The following PLCG2 variants were observed in gnomAD, a reference collection of about 807,000 sequenced individuals.
PLCG2 encodes the protein phospholipase C gamma 2, also known as 1-phosphatidylinositol 4,5-bisphosphate phosphodiesterase gamma-2.
A neutral mutation model predicts 175.6 loss-of-function variants in PLCG2; 69 were observed. The observed-to-expected ratio is 0.39, with a 90% confidence interval of 0.32 to 0.48. PLCG2 has a LOEUF of 0.48. Among genes scored for constraint, PLCG2 ranks in the 20% least tolerant of loss-of-function variants. PLCG2 has a pLI of 0.91. For synonymous variants in PLCG2, 827 were observed against 624.0 expected, an observed-to-expected ratio of 1.33 and a Z score of -4.85; for missense variants, 1,798 against 1,650.9, an observed-to-expected ratio of 1.09 and a Z score of -1.54.
intron 7 of PLCG2, among the ~76,000 whole-genome samples, chr16:81,875,311 C>G (rs955939210): frequency 6.6e-6 from 1 of 152,022 alleles, no homozygotes; most frequent in African/African-American, 2.4e-5. Flanking sequence ...GAGGCCTGTG[C>G]AAGAGCTACT....
intron 13 of PLCG2, among the ~76,000 whole-genome samples, chr16:81,896,248 G>T (rs1908880998): frequency 2.0e-5 from 3 of 152,166 alleles, no homozygotes; most frequent in African/African-American, 4.8e-5. Flanking sequence ...AGAGGGAAAG[G>T]CTGGGCGCAG....
At chr16:81,810,890 A>G (rs1185116141) in intron 2 of PLCG2, among the ~76,000 whole-genome samples, 2 of 152,206 alleles carry the variant, frequency 1.3e-5, no homozygotes, top group African/African-American at 2.4e-5. Context: ...GACTATATTT[A>G]TAACGAAAAT....
At chr16:81,883,432 T>TCACCTGTGCTCACCTGGC (rs1024385696) in intron 9 of PLCG2, 91 bp downstream of exon 9, 36 of 941,986 alleles carry the variant, frequency 3.8e-5, no homozygotes, top group Admixed American at 2.1e-4. Context: ...GCTCACCTGG[T>TCACCTGTGCTCACCTGGC]CACCTGTGCT....
chr16:81,962,661 AAAAT>A lies in PLCG2; in HGVS notation c.*4667_*4670del, dbSNP rs1911819149. On this transcript the variant is annotated 3_prime_UTR_variant, in exon 33 of 33. Transcript: ENST00000564138. ...ATTAAACAGCTGTATCACATTTTGA[AAAAT>A]AAAAGTTTCATCTGAATGAATATAG... The A allele has an allele frequency of 4.6e-6, 1 of 218,778 alleles. No individual in the cohort carries two copies. Among genetic ancestry groups the A allele is most frequent in the Non-Finnish European group, 9.2e-6 (1 of 109,050 alleles). 13.6% of individuals were successfully genotyped at this position (218,778 alleles called of 1,614,324 possible). A position where few individuals can be genotyped will look rare whatever the true frequency, so the allele number is the denominator to read the frequency against.
chr16:81,955,812 A>T (rs1911544268), intron 31 of PLCG2, among the ~76,000 whole-genome samples: 1 of 152,348 alleles, frequency 6.6e-6, no homozygotes, highest in East Asian at 1.9e-4. Context: ...TGGGGGAAGT[A>T]GAAATCATTA....
chr16:81,778,777 C>G (rs1315736515), upstream of PLCG2, among the ~76,000 whole-genome samples: 1 of 152,022 alleles, frequency 6.6e-6, no homozygotes, highest in Non-Finnish European at 1.5e-5. Flanking sequence ...ATTGGCAATT[C>G]CTGGCGGGTA....
intron 26 of PLCG2, chr16:81,935,634 A>G (rs1282933464): frequency 2.0e-6 from 2 of 985,278 alleles, no homozygotes. Flanking sequence ...CAGGCTCAGC[A>G]TGTTGACTGC....
At chr16:81,846,478 G>C (rs373077728) in intron 2 of PLCG2, among the ~76,000 whole-genome samples, 3 of 152,208 alleles carry the variant, frequency 2.0e-5, no homozygotes, top group African/African-American at 7.2e-5. Context: ...CAAAACATTA[G>C]CACTCTGCCT....
Position 81,786,075 on chromosome 16 carries a change from C to G in PLCG2, c.86C>G (p.Thr29Ser), listed in dbSNP as rs1391622471. The change falls in exon 2 of 33, where the codon ACT (threonine) becomes AGT (serine). Residue 29 changes from threonine (T) to serine (S), a missense_variant. Transcript: ENST00000564138. ...KRALELGTVM[T>S]VFSFRKSTPE... is the part of the protein sequence containing the mutation. ...GCCCTGGAGCTGGGGACGGTGATGA[C>G]TGTGTTCAGCTTCCGCAAGTCCACC... is the stretch of plus-strand genomic sequence containing the variant. The G allele has an allele frequency of 1.9e-6, 3 of 1,614,156 alleles. No individual in the cohort carries two copies. In the African/African-American group the frequency reaches 4.0e-5, roughly 22 times the overall value.
At chr16:81,740,828 G>A (rs1005726758) in intron 1 of PLCG2, among the ~76,000 whole-genome samples, 1 of 150,726 alleles carries the variant, frequency 6.6e-6, no homozygotes, top group African/African-American at 2.4e-5. Flanking sequence ...CTGGGGCTGT[G>A]GTCAGCATCC....
chr16:81,744,165 C>CTT (rs1185124266), intron 1 of PLCG2, among the ~76,000 whole-genome samples: 26 of 127,718 alleles, frequency 2.0e-4, no homozygotes, highest in African/African-American at 4.4e-4. Context: ...GCCAACTTCC[C>CTT]TTTTTTTTTT....
chr16:81,929,177 C>A (rs1462290051), intron 24 of PLCG2, among the ~76,000 whole-genome samples: 2 of 152,180 alleles, frequency 1.3e-5, no homozygotes, highest in African/African-American at 4.8e-5. Context: ...TGGCCAGGGT[C>A]TGATGTGTGC....
chr16:81,807,695 A>G (rs747955177), intron 2 of PLCG2, among the ~76,000 whole-genome samples: 2 of 152,240 alleles, frequency 1.3e-5, no homozygotes, highest in Non-Finnish European at 2.9e-5. Flanking sequence ...ACGGCTATAA[A>G]GAGCTACCAA....
In PLCG2 at chr16:81,958,064, G is replaced by T; in HGVS notation, c.*66G>T. 8.7e-7 allele frequency: 1 copy of T among 1,143,238 alleles called. No homozygotes were observed. Among genetic ancestry groups the T allele is most frequent in the Non-Finnish European group, 1.3e-6 (1 of 752,492 alleles). 70.8% of individuals were successfully genotyped at this position (1,143,238 alleles called of 1,614,324 possible). A position where few individuals can be genotyped will look rare whatever the true frequency, so the allele number is the denominator to read the frequency against. ...TGTGTGTTTGCATGTAGGAGAACGTGCCCTATTCACACTCTGGGAAGACGC... is the reference window on the plus strand; with the variant it reads ...TGTGTGTTTGCATGTAGGAGAACGTTCCCTATTCACACTCTGGGAAGACGC... On this transcript the variant is annotated 3_prime_UTR_variant, in exon 33 of 33. Transcript: ENST00000564138.
chr16:81,774,373 C>T (rs748286461), upstream of PLCG2, among the ~76,000 whole-genome samples: 5 of 151,728 alleles, frequency 3.3e-5, no homozygotes, highest in African/African-American at 9.7e-5. Flanking sequence ...ACCATTAAAC[C>T]GGGGGCTCCA....
At chr16:81,779,466 G>A (rs1019483870) in intron 1 of PLCG2, 42 bp downstream of exon 1, 2 of 151,594 alleles carry the variant, frequency 1.3e-5, no homozygotes, top group East Asian at 1.9e-4. Context: ...GGGCGCCCAG[G>A]GACCTGCGCC....
chr16:81,810,199 C>T (rs1904305428), intron 2 of PLCG2, among the ~76,000 whole-genome samples: 1 of 152,150 alleles, frequency 6.6e-6, no homozygotes, highest in East Asian at 1.9e-4. Flanking sequence ...CCATCTTGGC[C>T]AGGATGGTTT....
chr16:81,915,503 A>G (rs755735923), intron 19 of PLCG2, among the ~76,000 whole-genome samples: 17 of 152,246 alleles, frequency 1.1e-4, no homozygotes, highest in Non-Finnish European at 2.1e-4. Context: ...CTCGTATTCC[A>G]GACCTGTTCC....
intron 31 of PLCG2, 47 bp from the exon 32 acceptor site, chr16:81,956,648 G>A: frequency 6.5e-7 from 1 of 1,541,150 alleles, no homozygotes; most frequent in Non-Finnish European, 8.8e-7. Flanking sequence ...ATTTTGGTTT[G>A]GAAGGTGTAG....
Sources: gnomAD v4.1 joint callset for allele counts (sites outside exome capture counted in the v4.1 genomes callset) on GRCh38, gnomAD v4.1.1 for gene constraint, MANE v1.5 for transcripts, NCBI Gene and HGNC (gene_info 2026-07-23, HGNC 2026-07-21) for gene names.